Variants in SEMA3E observed in about 807,000 individuals in gnomAD.
SEMA3E encodes the protein semaphorin-3E.
SEMA3E carries 49 observed loss-of-function variants against 93.6 expected under a neutral mutation model. That is an observed-to-expected ratio of 0.52 (90% CI 0.42 to 0.66). The LOEUF is 0.66. SEMA3E is among the 30% of genes least tolerant of loss of function. The pLI is 0.00. For missense variants in SEMA3E, 906 were observed against 964.8 expected, an observed-to-expected ratio of 0.94 and a Z score of 0.81; for synonymous variants, 363 against 330.7, an observed-to-expected ratio of 1.10 and a Z score of -1.06.
At chr7:83,534,309 C>T (rs544572833) in intron 1 of SEMA3E, among the ~76,000 whole-genome samples, 5 of 152,140 alleles carry the variant, frequency 3.3e-5, no homozygotes, top group Admixed American at 3.3e-4. Flanking sequence ...TTGAAGTTCT[C>T]GCCTTTGATT....
chr7:83,459,708 G>GT (rs1447327119), intron 4 of SEMA3E, among the ~76,000 whole-genome samples: 1 of 152,156 alleles, frequency 6.6e-6, no homozygotes, highest in Admixed American at 6.5e-5. Context: ...CGCATCCCCT[G>GT]TGACTTGCAC....
intron 1 of SEMA3E, among the ~76,000 whole-genome samples, chr7:83,514,522 GTGT>G (rs539306064): frequency 2.8e-3 from 429 of 152,106 alleles, no homozygotes; most frequent in Non-Finnish European, 5.0e-3. Flanking sequence ...AAAAGATCTT[GTGT>G]TGTTGTTGTT....
At chr7:83,500,810 C>T (rs1023254130) in intron 1 of SEMA3E, among the ~76,000 whole-genome samples, 2 of 151,852 alleles carry the variant, frequency 1.3e-5, no homozygotes, top group Non-Finnish European at 2.9e-5. Context: ...AGGCTGGTCT[C>T]GAACTCCTAA....
chr7:83,608,842 C>T (rs1422037825), intron 1 of SEMA3E, among the ~76,000 whole-genome samples: 1 of 151,966 alleles, frequency 6.6e-6, no homozygotes, highest in African/African-American at 2.4e-5. Context: ...TTAAAACACT[C>T]GAAGTTGGTA....
At chr7:83,464,397 ACTAT>A (rs1285363726) in intron 4 of SEMA3E, among the ~76,000 whole-genome samples, 1 of 146,414 alleles carries the variant, frequency 6.8e-6, no homozygotes, top group East Asian at 2.1e-4. Flanking sequence ...TGTCATCCCT[ACTAT>A]CTTGTCAAGT....
intron 1 of SEMA3E, chr7:83,616,607 C>T: frequency 2.7e-6 from 1 of 373,514 alleles, no homozygotes; most frequent in Non-Finnish European, 5.3e-6. Context: ...CTACTTTATT[C>T]TTGCCTTTTT....
chr7:83,393,666 TTAATA>T (rs1245938739), intron 13 of SEMA3E, among the ~76,000 whole-genome samples: 1 of 152,184 alleles, frequency 6.6e-6, no homozygotes, highest in Non-Finnish European at 1.5e-5. Flanking sequence ...GGCTGAACAT[TTAATA>T]TAATATCTTT....
intron 2 of SEMA3E, among the ~76,000 whole-genome samples, chr7:83,486,392 A>G (rs963168870): frequency 6.6e-6 from 1 of 152,144 alleles, no homozygotes; most frequent in African/African-American, 2.4e-5. Flanking sequence ...TGAGAAGCTC[A>G]GAGATAGAGA....
intron 1 of SEMA3E, among the ~76,000 whole-genome samples, chr7:83,521,832 A>G (rs1791055962): frequency 6.6e-6 from 1 of 152,074 alleles, no homozygotes; most frequent in African/African-American, 2.4e-5. Flanking sequence ...GACTTTAATT[A>G]TCTCCTTACT....
chr7:83,586,894 G>T (rs1367374134), intron 1 of SEMA3E, among the ~76,000 whole-genome samples: 1 of 152,040 alleles, frequency 6.6e-6, no homozygotes, highest in Non-Finnish European at 1.5e-5. Context: ...ATAGAGAAAA[G>T]ACAGTAAATG....
chr7:83,436,115 CTCA>C (rs1267145586), intron 4 of SEMA3E, among the ~76,000 whole-genome samples: 2 of 151,814 alleles, frequency 1.3e-5, no homozygotes, highest in African/African-American at 4.8e-5. Flanking sequence ...AATATTTTTT[CTCA>C]TGATACCTGT....
intron 1 of SEMA3E, among the ~76,000 whole-genome samples, chr7:83,533,042 TA>T (rs1215924184): frequency 6.6e-6 from 1 of 151,372 alleles, no homozygotes; most frequent in Non-Finnish European, 1.5e-5. Flanking sequence ...AGGATTCCTT[TA>T]TCCCCAAAAC....
At chr7:83,413,117 A>C (rs1250034961) in intron 5 of SEMA3E, among the ~76,000 whole-genome samples, 1 of 152,150 alleles carries the variant, frequency 6.6e-6, no homozygotes, top group Non-Finnish European at 1.5e-5. Flanking sequence ...ATACTTTTCT[A>C]TATAACTCCT....
At chr7:83,384,010 C>A (rs1787832576) in intron 16 of SEMA3E, among the ~76,000 whole-genome samples, 1 of 151,942 alleles carries the variant, frequency 6.6e-6, no homozygotes, top group African/African-American at 2.4e-5. Flanking sequence ...CATTTTTGGA[C>A]ATGTGTTTAT....
At chr7:83,593,645 G>T (rs546302423) in intron 1 of SEMA3E, among the ~76,000 whole-genome samples, 36 of 151,978 alleles carry the variant, frequency 2.4e-4, no homozygotes, top group African/African-American at 8.2e-4. Context: ...AAGTAAAGAT[G>T]GAAGAGAGAA....
chr7:83,588,453 C>G (rs1324030781), intron 1 of SEMA3E, among the ~76,000 whole-genome samples: 3 of 151,840 alleles, frequency 2.0e-5, no homozygotes, highest in African/African-American at 7.3e-5. Context: ...ACATTAAGAA[C>G]TGGCATTCTA....
intron 4 of SEMA3E, among the ~76,000 whole-genome samples, chr7:83,462,565 T>C (rs922621545): frequency 6.6e-6 from 1 of 152,122 alleles, no homozygotes; most frequent in African/African-American, 2.4e-5. Context: ...AAGTATAAGA[T>C]ACCTCTACTC....
intron 4 of SEMA3E, among the ~76,000 whole-genome samples, chr7:83,423,063 A>T (rs1402838060): frequency 6.6e-6 from 1 of 151,846 alleles, no homozygotes; most frequent in African/African-American, 2.4e-5. Context: ...TTCAACTCTC[A>T]GAAGAAGTTG....
chr7:83,417,866 G>A (rs1788585235), intron 5 of SEMA3E, among the ~76,000 whole-genome samples: 1 of 152,108 alleles, frequency 6.6e-6, no homozygotes, highest in African/African-American at 2.4e-5. Context: ...TACATTTAGT[G>A]ATAGGTTGAG....
Sources: allele counts gnomAD v4.1 joint callset (sites outside exome capture counted in the v4.1 genomes callset), GRCh38; gene constraint gnomAD v4.1.1; transcripts MANE v1.5; gene names NCBI Gene and HGNC (gene_info 2026-07-23, HGNC 2026-07-21).